The following CDH18 variants were observed in gnomAD, a reference collection of about 807,000 sequenced individuals.
The protein encoded by CDH18 is cadherin 18.
A neutral mutation model predicts 67.9 loss-of-function variants in CDH18; 31 were observed. The observed-to-expected ratio is 0.46, with a 90% CI of 0.34 to 0.62. The LOEUF (loss-of-function observed/expected upper bound fraction) is 0.62, where lower values mean the gene tolerates loss of function less well. CDH18 is among the 20% of genes least tolerant of loss of function. The pLI, the probability that CDH18 is intolerant of heterozygous loss-of-function variation, is 0.01. For missense variants in CDH18, 890 were observed against 975.5 expected (o/e 0.91, Z 1.17); for synonymous variants, 362 against 347.2 (o/e 1.04, Z -0.48).
chr5:19,958,210 C>T (rs1796445271), intron 2 of CDH18, among the ~76,000 whole-genome samples: 1 of 151,384 alleles, frequency 6.6e-6, no homozygotes, highest in African/African-American at 2.4e-5. Flanking sequence ...CCCTGGATCC[C>T]TAAATGCCTG....
intron 1 of CDH18, among the ~76,000 whole-genome samples, chr5:20,455,006 A>G (rs762437340): frequency 8.6e-5 from 13 of 151,944 alleles, no homozygotes; most frequent in Admixed American, 7.2e-4. Context: ...ATGCAAGAAC[A>G]TGGAGGGCTC....
chr5:20,412,358 A>T (rs2150145392), intron 1 of CDH18, among the ~76,000 whole-genome samples: 1 of 152,326 alleles, frequency 6.6e-6, no homozygotes, highest in East Asian at 1.9e-4. Flanking sequence ...AACATAAACC[A>T]AAATTAACTC....
intron 2 of CDH18, among the ~76,000 whole-genome samples, chr5:20,219,770 A>T (rs1216598281): frequency 1.3e-5 from 2 of 151,916 alleles, no homozygotes; most frequent in African/African-American, 4.8e-5. Flanking sequence ...ATTTTATAAA[A>T]TTCAACATCC....
intron 2 of CDH18, among the ~76,000 whole-genome samples, chr5:20,129,353 C>T (rs1229051831): frequency 1.3e-5 from 2 of 151,954 alleles, no homozygotes; most frequent in African/African-American, 4.8e-5. Context: ...TATTAGAAAA[C>T]ATACATTAAT....
At chr5:19,483,049 C>A (rs902047606) in intron 12 of CDH18, among the ~76,000 whole-genome samples, 1 of 152,062 alleles carries the variant, frequency 6.6e-6, no homozygotes, top group African/African-American at 2.4e-5. Context: ...AATATTAATT[C>A]TTTCCAAAAT....
At chr5:19,993,688 C>T (rs78347536) in intron 2 of CDH18, among the ~76,000 whole-genome samples, 1,754 of 151,980 alleles carry the variant, frequency 0.012, 42 homozygotes, top group African/African-American at 0.04. Flanking sequence ...TATATCTTTT[C>T]TGTGTACACA....
intron 2 of CDH18, among the ~76,000 whole-genome samples, chr5:20,124,216 A>T (rs1020834982): frequency 1.1e-4 from 17 of 152,124 alleles, no homozygotes; most frequent in African/African-American, 3.6e-4. Flanking sequence ...TGGGGGAGGG[A>T]ACATCAGGAT....
At chr5:19,510,613 A>T (rs1387528911) in intron 10 of CDH18, among the ~76,000 whole-genome samples, 2 of 152,156 alleles carry the variant, frequency 1.3e-5, no homozygotes, top group Non-Finnish European at 2.9e-5. Flanking sequence ...GTAATGTCAA[A>T]TGCTAAGTGT....
At chr5:19,793,295 C>T (rs1473376965) in intron 3 of CDH18, among the ~76,000 whole-genome samples, 1 of 152,048 alleles carries the variant, frequency 6.6e-6, no homozygotes. Flanking sequence ...ATGTAGTCAC[C>T]AGTAATTAAC....
chr5:20,430,457 A>C (rs1358778894), intron 1 of CDH18, among the ~76,000 whole-genome samples: 2 of 152,104 alleles, frequency 1.3e-5, no homozygotes, highest in Non-Finnish European at 2.9e-5. Flanking sequence ...GCCATCTCAC[A>C]ACACAGGTTT....
At chr5:20,078,734 C>T (rs141536247) in intron 2 of CDH18, among the ~76,000 whole-genome samples, 4,228 of 151,978 alleles carry the variant, frequency 0.028, 90 homozygotes, top group Non-Finnish European at 0.042. Flanking sequence ...TCTCAAGTAG[C>T]TGGGACTACA....
chr5:19,523,770 T>C (rs1747307041), intron 9 of CDH18, among the ~76,000 whole-genome samples: 1 of 152,098 alleles, frequency 6.6e-6, no homozygotes. Context: ...TGATGTAATT[T>C]CCCTGATTTA....
intron 1 of CDH18, 54 bp from the exon 2 acceptor site, chr5:19,981,232 C>T (rs1798996683): frequency 6.6e-6 from 1 of 152,098 alleles, no homozygotes; most frequent in Admixed American, 6.6e-5. Context: ...ATAATGTCAC[C>T]TCTCTGCTCA....
At chr5:19,814,597 A>G (rs1779093959) in intron 3 of CDH18, among the ~76,000 whole-genome samples, 1 of 152,040 alleles carries the variant, frequency 6.6e-6, no homozygotes, top group South Asian at 2.1e-4. Context: ...CACGAACCCT[A>G]TACCCTTTTG....
intron 10 of CDH18, among the ~76,000 whole-genome samples, chr5:19,519,750 C>A (rs1432627430): frequency 6.6e-6 from 1 of 152,128 alleles, no homozygotes; most frequent in Non-Finnish European, 1.5e-5. Flanking sequence ...TGGCAAGCAA[C>A]TGCTTGTGGT....
At chr5:20,318,724 G>A (rs1000243782) in intron 1 of CDH18, among the ~76,000 whole-genome samples, 1 of 152,094 alleles carries the variant, frequency 6.6e-6, no homozygotes, top group African/African-American at 2.4e-5. Flanking sequence ...TTTATTTACA[G>A]CCTGCAGAGC....
intron 2 of CDH18, among the ~76,000 whole-genome samples, chr5:19,954,100 C>T (rs534055680): frequency 6.6e-6 from 1 of 151,966 alleles, no homozygotes; most frequent in Non-Finnish European, 1.5e-5. Context: ...ATTTTCTGTA[C>T]TTACTAAATA....
intron 2 of CDH18, among the ~76,000 whole-genome samples, chr5:19,894,776 A>G (rs1342181777): frequency 1.3e-5 from 2 of 152,138 alleles, no homozygotes; most frequent in Admixed American, 6.5e-5. Flanking sequence ...GAACATTTCT[A>G]TCTTTTCTCA....
At chr5:19,892,782 G>T (rs888494042) in intron 2 of CDH18, among the ~76,000 whole-genome samples, 1 of 152,092 alleles carries the variant, frequency 6.6e-6, no homozygotes, top group African/African-American at 2.4e-5. Flanking sequence ...GCCCAGTCAA[G>T]ATTTCAGAAG....
Sources: gnomAD v4.1 joint callset for allele counts (sites outside exome capture counted in the v4.1 genomes callset) on GRCh38, gnomAD v4.1.1 for gene constraint, MANE v1.5 for transcripts, NCBI Gene and HGNC (gene_info 2026-07-23, HGNC 2026-07-21) for gene names.